The following SMS variants were observed in gnomAD, a reference collection of about 807,000 sequenced individuals.
SMS encodes spermine synthase.
In SMS, 3 loss-of-function variants were observed where a neutral mutation model predicts 33.0. The ratio of observed to expected loss-of-function variants is 0.09; its 90% CI spans 0.04 to 0.23. The LOEUF (loss-of-function observed/expected upper bound fraction) is 0.23, where lower values mean the gene tolerates loss of function less well. Among genes scored for constraint, SMS ranks in the 10% least tolerant of loss-of-function variants. The pLI, the probability that SMS is intolerant of heterozygous loss-of-function variation, is 1.00. For missense variants in SMS, 117 were observed against 288.6 expected, an observed-to-expected ratio of 0.41 and a Z score of 4.31; for synonymous variants, 103 against 112.2, an observed-to-expected ratio of 0.92 and a Z score of 0.52.
chrX:21,967,828 A>G (rs1036433085), intron 2 of SMS, among the ~76,000 whole-genome samples: 1 of 112,543 alleles, frequency 8.9e-6, no homozygotes, highest in Non-Finnish European at 1.9e-5. Context: ...TAAGACGGGC[A>G]GGATCGCTCA....
intron 9 of SMS, among the ~76,000 whole-genome samples, chrX:21,986,262 T>A (rs1163533686): frequency 2.0e-5 from 2 of 99,753 alleles, no homozygotes; most frequent in African/African-American, 7.6e-5. Context: ...GGCAGGAAAT[T>A]GCTTGAACCT....
chrX:21,971,936 G>A lies in SMS; in HGVS notation c.210G>A (p.Leu70=). 8.3e-7 allele frequency: 1 copy of A among 1,204,919 alleles called. No individual in the cohort carries two copies. The change falls in exon 3 of 11, where the codon TTG becomes TTA. Residue 70 remains leucine, a synonymous_variant. Coordinates refer to ENST00000404933, the MANE Select transcript of SMS (RefSeq NM_004595.5). ...NLRIYPHGLV[L]LDLQSYDGDA... is the part of the protein sequence containing the mutation. Reference sequence around the variant, plus strand: ...GAATTTACCCACATGGATTGGTGTTGCTGGACCTTCAGAGTTATGATGGTG... The same window carrying A: ...GAATTTACCCACATGGATTGGTGTTACTGGACCTTCAGAGTTATGATGGTG...
At chrX:21,964,062 ATTTTT>A (rs372817561) in intron 1 of SMS, among the ~76,000 whole-genome samples, 23 of 95,018 alleles carry the variant, frequency 2.4e-4, no homozygotes, top group African/African-American at 8.7e-4. Flanking sequence ...TTGAAATCAG[ATTTTT>A]TTTTTTTTTT....
At chrX:21,958,475 A>G (rs1453382934) in intron 1 of SMS, among the ~76,000 whole-genome samples, 2 of 112,387 alleles carry the variant, frequency 1.8e-5, no homozygotes, top group African/African-American at 6.5e-5. Context: ...CATATGCTAT[A>G]TAACTCCTTT....
intron 8 of SMS, among the ~76,000 whole-genome samples, chrX:21,984,867 C>A (rs182609740): frequency 9.0e-6 from 1 of 111,280 alleles, no homozygotes; most frequent in African/African-American, 3.3e-5. Flanking sequence ...TTGCTGCTTG[C>A]CCCCTTATTT....
chrX:21,993,689 C>T (rs1008134652), intron 10 of SMS, among the ~76,000 whole-genome samples: 1 of 112,448 alleles, frequency 8.9e-6, no homozygotes, highest in Admixed American at 9.4e-5. Flanking sequence ...GGCCGTGTCC[C>T]TCCACAGCCT....
chrX:21,947,357 A>G (rs1244192806), intron 1 of SMS, among the ~76,000 whole-genome samples: 3 of 111,548 alleles, frequency 2.7e-5, no homozygotes, highest in African/African-American at 9.8e-5. Flanking sequence ...ACTGAATCAC[A>G]GTTGGTGGAG....
chrX:21,954,371 C>A (rs1442118946), intron 1 of SMS, among the ~76,000 whole-genome samples: 2 of 112,112 alleles, frequency 1.8e-5, no homozygotes, highest in Non-Finnish European at 3.8e-5. Flanking sequence ...AAAAAGCTTG[C>A]CCGTTCCTGC....
intron 9 of SMS, among the ~76,000 whole-genome samples, chrX:21,986,927 T>C (rs765206353): frequency 2.7e-5 from 3 of 110,856 alleles, no homozygotes; most frequent in East Asian, 2.8e-4. Flanking sequence ...CCCTGTCTTA[T>C]AGGAAACCAG....
At chrX:21,990,259 C>T (rs138282463) in intron 9 of SMS, among the ~76,000 whole-genome samples, 54 of 112,269 alleles carry the variant, frequency 4.8e-4, no homozygotes, top group East Asian at 1.1e-3. Flanking sequence ...ATGTTCACAG[C>T]GCTGTACTTC....
rs756561468 is a variant in SMS, at chrX:21,942,482, G to A, written c.49+1609G>A. Among the ~76,000 whole-genome samples, 28 of 112,142 alleles carry A rather than the reference G, an allele frequency of 2.5e-4. No homozygotes were observed. In the East Asian group the frequency reaches 7.5e-3, roughly 30 times the overall value. ...GGGGGTAGCTGTGGAGCACACTGTA[G>A]GGTTTTTAAGCAATGTCAGTGTATT... On this transcript the variant is annotated intron_variant, in intron 1 of 10. Coordinates refer to ENST00000404933, the MANE Select transcript of SMS (RefSeq NM_004595.5).
chrX:21,976,275 C>T (rs1471205833), intron 4 of SMS, among the ~76,000 whole-genome samples: 1 of 111,088 alleles, frequency 9.0e-6, no homozygotes, highest in African/African-American at 3.3e-5. Flanking sequence ...TTCAGAGCAC[C>T]ACCCCACAGC....
chrX:21,972,026 G>A (rs748652417), intron 3 of SMS, 36 bp downstream of exon 3: 2 of 899,318 alleles, frequency 2.2e-6, no homozygotes, highest in South Asian at 4.0e-5. Flanking sequence ...AGTGTTTAAG[G>A]ATCATAGTAT....
At chrX:21,940,995 C>T in intron 1 of SMS, 122 bp downstream of exon 1, 1 of 218,543 alleles carries the variant, frequency 4.6e-6, no homozygotes, top group Non-Finnish European at 6.7e-6. Flanking sequence ...CCGCGCGGCG[C>T]CGCACTCTCC....
At chrX:21,960,022 T>A (rs190185573) in intron 1 of SMS, 8 of 488,206 alleles carry the variant, frequency 1.6e-5, no homozygotes, top group Non-Finnish European at 1.9e-5. Context: ...TGAGTGACTG[T>A]CTGTGTGTAC....
chrX:21,960,679 G>T (rs1923280254), intron 1 of SMS, among the ~76,000 whole-genome samples: 1 of 111,872 alleles, frequency 8.9e-6, no homozygotes, highest in African/African-American at 3.3e-5. Flanking sequence ...TAAATCTTCT[G>T]TTCCAACCGC....
intron 1 of SMS, among the ~76,000 whole-genome samples, chrX:21,950,979 T>A (rs1310434375): frequency 2.7e-5 from 3 of 112,031 alleles, no homozygotes; most frequent in African/African-American, 9.7e-5. Context: ...GATTGCTGGG[T>A]CAGATGGTTT....
At chrX:21,988,431 C>T (rs1490758690) in intron 9 of SMS, among the ~76,000 whole-genome samples, 5 of 109,402 alleles carry the variant, frequency 4.6e-5, no homozygotes, top group East Asian at 2.9e-4. Context: ...TTTGGGAGGC[C>T]GAGGCAGGAG....
intron 2 of SMS, 31 bp from the exon 3 acceptor site, chrX:21,971,865 TC>T (rs1233126387): frequency 3.0e-6 from 3 of 1,004,045 alleles, no homozygotes. Context: ...CCGATACAAT[TC>T]TTAAGCTTAA....
Sources: allele counts gnomAD v4.1 joint callset (sites outside exome capture counted in the v4.1 genomes callset), GRCh38; gene constraint gnomAD v4.1.1; transcripts MANE v1.5; gene names NCBI Gene and HGNC (gene_info 2026-07-23, HGNC 2026-07-21).